Variants in HIVEP3 observed in about 807,000 individuals in gnomAD.
The protein encoded by HIVEP3 is transcription factor HIVEP3.
In HIVEP3, 49 loss-of-function variants were observed where a neutral mutation model predicts 152.8. The ratio of observed to expected loss-of-function variants is 0.32; its 90% CI spans 0.26 to 0.41. HIVEP3 has a LOEUF of 0.41. HIVEP3 is among the 10% of genes least tolerant of loss of function. The pLI is 1.00. For missense variants in HIVEP3, 2,790 were observed against 3,103.3 expected, an observed-to-expected ratio of 0.90 and a Z score of 2.40; for synonymous variants, 1,269 against 1,289.0, an observed-to-expected ratio of 0.98 and a Z score of 0.33.
chr1:41,896,356 T>C (rs1351463964), intron 1 of HIVEP3, among the ~76,000 whole-genome samples: 1 of 152,210 alleles, frequency 6.6e-6, no homozygotes, highest in Non-Finnish European at 1.5e-5. Context: ...TGCTGAATTA[T>C]CTGGTCCTTC....
At chr1:42,008,572 A>G (rs1428630808) in intron 1 of HIVEP3, among the ~76,000 whole-genome samples, 2 of 152,248 alleles carry the variant, frequency 1.3e-5, no homozygotes, top group Non-Finnish European at 2.9e-5. Context: ...TGTTGGATCC[A>G]ACATTTTAAC....
chr1:41,512,204 C>T (rs774770864), intron 8 of HIVEP3, among the ~76,000 whole-genome samples: 1 of 152,026 alleles, frequency 6.6e-6, no homozygotes, highest in Non-Finnish European at 1.5e-5. Context: ...TTGTAAACCC[C>T]AGTGTTAGAG....
At chr1:41,589,163 T>C (rs535220381) in intron 3 of HIVEP3, among the ~76,000 whole-genome samples, 13 of 152,326 alleles carry the variant, frequency 8.5e-5, no homozygotes, top group African/African-American at 2.9e-4. Flanking sequence ...TGAGAGCACC[T>C]GTAAAAGTCA....
In HIVEP3 at chr1:41,577,575, G is replaced by A. The variant is rs551819190; in HGVS notation, c.5062-1886C>T. On this transcript the variant is annotated intron_variant, in intron 4 of 8. Transcript: ENST00000372583. ...GCTGGGGTTTCTCCAGGGTTTATAC[G>A]TGGAAGAAAAGATCTATGACCAAAC... Among the ~76,000 whole-genome samples, 60 of 152,280 alleles carry A rather than the reference G, an allele frequency of 3.9e-4. No individual in the cohort carries two copies. In the South Asian group the frequency reaches 7.9e-3, roughly 20 times the overall value.
intron 1 of HIVEP3, among the ~76,000 whole-genome samples, chr1:41,897,486 G>A (rs1299863007): frequency 6.6e-6 from 1 of 150,988 alleles, no homozygotes; most frequent in Non-Finnish European, 1.5e-5. Context: ...CACGTAGAAG[G>A]CATCTTTTCT....
At chr1:41,683,874 C>G (rs1646076813) in intron 2 of HIVEP3, among the ~76,000 whole-genome samples, 1 of 152,204 alleles carries the variant, frequency 6.6e-6, no homozygotes, top group Non-Finnish European at 1.5e-5. Context: ...CTTCCCATCA[C>G]CACCCTCCTG....
chr1:41,570,081 G>A (rs1644229649), intron 5 of HIVEP3, among the ~76,000 whole-genome samples: 2 of 152,144 alleles, frequency 1.3e-5, no homozygotes, highest in South Asian at 4.1e-4. Flanking sequence ...TTGGAGATAG[G>A]GATCTGAGTG....
rs1642852264 is a variant in HIVEP3, at chr1:41,524,780, G to A, written c.5338C>T (p.Arg1780Trp). Residue 1780 changes from arginine (R) to tryptophan (W), a missense_variant, in exon 6 of 9, where the codon CGG (arginine) becomes TGG (tryptophan). Physicochemically the swap from Arg to Trp is moderately radical, Grantham distance 101 (BLOSUM62 -3). This residue lies in a region of HIVEP3 where 57 missense variants were observed against 95.1 expected (regional missense o/e 0.60). Transcript: ENST00000372583. ...TGACAGTGCTTGCACACATAGGGCCGGACGTCAGTGTGGGTGCGGATGTGT... is the reference window on the plus strand; with the variant it reads ...TGACAGTGCTTGCACACATAGGGCCAGACGTCAGTGTGGGTGCGGATGTGT... ...KKHIRTHTDVRPYVCKHCHFA... is the reference protein window; with the variant it reads ...KKHIRTHTDVWPYVCKHCHFA... 3.7e-6 allele frequency: 6 copies of A among 1,614,152 alleles called. No individual in the cohort carries two copies. The highest frequency in any genetic ancestry group is 5.1e-6 in the Non-Finnish European group (6 of 1,180,018).
chr1:41,991,472 C>T (rs1290294193), intron 1 of HIVEP3, among the ~76,000 whole-genome samples: 2 of 150,886 alleles, frequency 1.3e-5, no homozygotes, highest in East Asian at 2.0e-4. Flanking sequence ...TCTGAATAGA[C>T]CAATAACAGG....
rs138179271 is a variant in HIVEP3 at position 41,794,495 on chromosome 1, T to C, written c.-800-93500A>G. Among the ~76,000 whole-genome samples the C allele has an allele frequency of 5.9e-5, 9 of 152,364 alleles. No homozygotes were observed. In the East Asian group the frequency reaches 1.7e-3, roughly 29 times the overall value. ...AAAAATGTAGAACTATTTGCTTTTATACTGCCAAAATGCCCTTTGGATATT... is the reference window on the plus strand; with the variant it reads ...AAAAATGTAGAACTATTTGCTTTTACACTGCCAAAATGCCCTTTGGATATT... On this transcript the variant is annotated intron_variant, in intron 1 of 8. Transcript: ENST00000372583.
At chr1:41,894,111 T>C (rs529643805) in intron 1 of HIVEP3, among the ~76,000 whole-genome samples, 1 of 151,934 alleles carries the variant, frequency 6.6e-6, no homozygotes, top group Non-Finnish European at 1.5e-5. Flanking sequence ...TGAGCCACCA[T>C]GCCCAGCCTA....
chr1:41,603,640 G>A (rs1199362103), intron 3 of HIVEP3, among the ~76,000 whole-genome samples: 1 of 152,240 alleles, frequency 6.6e-6, no homozygotes, highest in Non-Finnish European at 1.5e-5. Flanking sequence ...GATTACAGGT[G>A]TGAGCCACTG....
chr1:41,895,708 G>C (rs1644517454), intron 1 of HIVEP3, among the ~76,000 whole-genome samples: 1 of 152,204 alleles, frequency 6.6e-6, no homozygotes, highest in African/African-American at 2.4e-5. Context: ...AGGTGGAGGA[G>C]GGCCTTCTGA....
At chr1:41,829,910 AG>A (rs1483966949) in intron 1 of HIVEP3, among the ~76,000 whole-genome samples, 6 of 152,294 alleles carry the variant, frequency 3.9e-5, no homozygotes, top group Non-Finnish European at 7.4e-5. Context: ...AATAAGTATT[AG>A]TTACTTTTAT....
intron 5 of HIVEP3, among the ~76,000 whole-genome samples, chr1:41,546,889 C>A (rs1047984445): frequency 7.2e-5 from 11 of 152,204 alleles, no homozygotes; most frequent in Admixed American, 2.0e-4. Flanking sequence ...AAGCCATCAG[C>A]CAGGAGGCAG....
chr1:41,521,821 C>A (rs1034046177), intron 6 of HIVEP3, among the ~76,000 whole-genome samples: 1 of 152,262 alleles, frequency 6.6e-6, no homozygotes, highest in African/African-American at 2.4e-5. Context: ...GCTGGCAGAC[C>A]TGAGGCCATC....
At chr1:41,626,738 G>A (rs1645123392) in intron 3 of HIVEP3, among the ~76,000 whole-genome samples, 1 of 152,160 alleles carries the variant, frequency 6.6e-6, no homozygotes, top group East Asian at 1.9e-4. Flanking sequence ...ACCAGGAAGT[G>A]CCCCAGGATG....
intron 1 of HIVEP3, among the ~76,000 whole-genome samples, chr1:41,825,768 G>A (rs546893020): frequency 3.2e-4 from 49 of 152,044 alleles, no homozygotes; most frequent in Middle Eastern, 6.8e-3. Flanking sequence ...CACCATGCCT[G>A]GCTAAGTTTT....
intron 1 of HIVEP3, among the ~76,000 whole-genome samples, chr1:41,849,932 A>C (rs2124380835): frequency 6.6e-6 from 1 of 152,046 alleles, no homozygotes; most frequent in Non-Finnish European, 1.5e-5. Flanking sequence ...CTTGGGATCC[A>C]CCCACCTTGG....
Sources: gnomAD v4.1 joint callset for allele counts (sites outside exome capture counted in the v4.1 genomes callset) on GRCh38, gnomAD v4.1.1 for gene constraint, gnomAD v4.1.1 regional missense constraint, MANE v1.5 for transcripts, NCBI Gene and HGNC (gene_info 2026-07-23, HGNC 2026-07-21) for gene names.